OR6B1: variants seen among roughly 807,000 people sequenced by gnomAD.
OR6B1 encodes the protein olfactory receptor 6B1.
Under a neutral mutation model 15.4 loss-of-function variants are expected in OR6B1, and 15 were observed. The observed-to-expected ratio is 0.97, with a 90% CI of 0.65 to 1.50. OR6B1 has a LOEUF of 1.50. Ranked by LOEUF, OR6B1 falls within the 40% of genes most tolerant of loss-of-function variation. The probability of loss-of-function intolerance (pLI) is 0.00; values close to 1 mark genes in which losing one functional copy is unlikely to be tolerated. For synonymous variants in OR6B1, 139 were observed against 144.9 expected (o/e 0.96, Z 0.29); for missense variants, 384 against 385.0 (o/e 1.00, Z 0.02).
chr7:144,003,986 G>T lies in OR6B1; in HGVS notation c.-11G>T, dbSNP rs1369943846. On this transcript the variant is annotated 5_prime_UTR_variant, in exon 2 of 2. Transcript: ENST00000641698. Reference sequence around the variant, plus strand: ...TTCCTCCCCAGGAGAGCTAAGCCCTGTGTCTCCAATATGGAGTTGGAGAAC... The same window carrying T: ...TTCCTCCCCAGGAGAGCTAAGCCCTTTGTCTCCAATATGGAGTTGGAGAAC... The T allele has an allele frequency of 1.3e-6, 2 of 1,593,538 alleles. No individual in the cohort carries two copies.
chr7:144,006,503 G>T lies in OR6B1; in HGVS notation c.*1571G>T, dbSNP rs545559136. 1 of 152,308 alleles carries T rather than the reference G, an allele frequency of 6.6e-6. No individual in the cohort carries two copies. The highest frequency in any genetic ancestry group is 1.5e-5 in the Non-Finnish European group (1 of 68,026). The allele number at this position is 152,308 out of a possible 1,614,324, so 9.4% of individuals were successfully genotyped here. A position where few individuals can be genotyped will look rare whatever the true frequency, so the allele number is the denominator to read the frequency against. On this transcript the variant is annotated 3_prime_UTR_variant, in exon 2 of 2. Transcript: ENST00000641698. ...TGCAAAAGAGAACAATGCTTAAAAT[G>T]GAAAGGATTTAATGTTTGCTTCTGG...
Position 144,004,708 on chromosome 7 carries a change from A to T in OR6B1, c.712A>T (p.Thr238Ser). 6.2e-7 allele frequency: 1 copy of T among 1,614,098 alleles called. No individual in the cohort carries two copies. Among genetic ancestry groups the T allele is most frequent in the Non-Finnish European group, 8.5e-7 (1 of 1,180,006 alleles). ...MPTGKQKAFS[T>S]CASHLVVVTI... ...CACAGGAAAGCAGAAAGCGTTCTCC[A>T]CTTGTGCCTCCCATCTTGTGGTGGT... Residue 238 changes from threonine to serine, a missense_variant, in exon 2 of 2, where the codon ACT becomes TCT. Physicochemically the swap from Thr to Ser is moderately conservative, Grantham distance 58. Transcript: ENST00000641698.
chr7:144,008,506 A>C lies in OR6B1; in HGVS notation c.*3574A>C, dbSNP rs1245818756. On this transcript the variant is annotated 3_prime_UTR_variant, in exon 2 of 2. Transcript: ENST00000641698. ...TGGTCTGGCTCTGTTTCCCTACCCA[A>C]ATCTCATCTTGATTGTAATCCCCAC... The C allele has an allele frequency of 6.6e-6, 1 of 152,170 alleles. No individual in the cohort carries two copies. Among genetic ancestry groups the C allele is most frequent in the Non-Finnish European group, 1.5e-5 (1 of 68,054 alleles). The allele number at this position is 152,170 out of a possible 1,614,324, so 9.4% of individuals were successfully genotyped here.
chr7:144,002,732 C>T (rs1464572217), intron 1 of OR6B1, among the ~76,000 whole-genome samples: 6 of 152,068 alleles, frequency 3.9e-5, no homozygotes, highest in Admixed American at 1.3e-4. Flanking sequence ...TGCTTGTTTC[C>T]GACTGCTTTT....
At chr7:144,002,290 C>G (rs2050589221) in intron 1 of OR6B1, among the ~76,000 whole-genome samples, 2 of 152,124 alleles carry the variant, frequency 1.3e-5, no homozygotes, top group Admixed American at 1.3e-4. Flanking sequence ...TGGGATATTG[C>G]ATGAAAAGAA....
rs1260297424 is a variant in OR6B1, at chr7:144,007,198, G to C, written c.*2266G>C. 6.6e-6 allele frequency: 1 copy of C among 152,040 alleles called. No individual in the cohort carries two copies. 9.4% of individuals were successfully genotyped at this position (152,040 alleles called of 1,614,324 possible). ...TTTTTCAAATAACAGATGGAACATT[G>C]AGCTCCTTCCCCTTTGTGGAAGGAA... On this transcript the variant is annotated 3_prime_UTR_variant, in exon 2 of 2. Transcript: ENST00000641698.
chr7:144,002,917 C>T (rs2050593773), intron 1 of OR6B1, among the ~76,000 whole-genome samples: 1 of 152,144 alleles, frequency 6.6e-6, no homozygotes, highest in African/African-American at 2.4e-5. Flanking sequence ...TCCTAGAATC[C>T]TTCCCAGCCT....
At chr7:144,003,144 C>T (rs2050595329) in intron 1 of OR6B1, among the ~76,000 whole-genome samples, 1 of 152,144 alleles carries the variant, frequency 6.6e-6, no homozygotes, top group African/African-American at 2.4e-5. Context: ...ATGGCTTTGC[C>T]TTGGATCACA....
In OR6B1 at chr7:144,006,664, A is replaced by T. The variant is rs1204100445; in HGVS notation, c.*1732A>T. On this transcript the variant is annotated 3_prime_UTR_variant, in exon 2 of 2. Coordinates refer to ENST00000641698, the MANE Select transcript of OR6B1 (RefSeq NM_001005281.3). ...AATATAATTGCATAGTCATATAGGG[A>T]TATTAAATGTGTGCATTAAGAAAGG... 2 of 152,214 alleles carry T rather than the reference A, an allele frequency of 1.3e-5. No homozygotes were observed. The highest frequency in any genetic ancestry group is 1.3e-4 in the Admixed American group (2 of 15,280). 9.4% of individuals were successfully genotyped at this position (152,214 alleles called of 1,614,324 possible). A position where few individuals can be genotyped will look rare whatever the true frequency, so the allele number is the denominator to read the frequency against.
Position 144,004,853 on chromosome 7 carries a change from T to A in OR6B1, c.857T>A (p.Phe286Tyr). Reference protein sequence around the residue: ...YAIVTPSLNPFIYCLRNREVK... With the variant: ...YAIVTPSLNPYIYCLRNREVK... ...ATTGTCACTCCTTCTCTCAACCCTT[T>A]CATTTATTGCCTAAGAAACCGAGAG... The change falls in exon 2 of 2, where the codon TTC becomes TAC. Residue 286 changes from phenylalanine (F) to tyrosine (Y), a missense_variant. Transcript: ENST00000641698. The A allele has an allele frequency of 6.2e-7, 1 of 1,613,324 alleles. No homozygotes were observed. The highest frequency in any genetic ancestry group is 8.5e-7 in the Non-Finnish European group (1 of 1,180,032).
At position 144,004,727 on chromosome 7, in the gene OR6B1, T is replaced by C; in HGVS notation, c.731T>C (p.Val244Ala). 2 of 1,614,240 alleles carry C rather than the reference T, an allele frequency of 1.2e-6. No homozygotes were observed. The highest frequency in any genetic ancestry group is 1.1e-5 in the South Asian group (1 of 91,080). Residue 244 changes from valine (V) to alanine (A), a missense_variant, in exon 2 of 2, where the codon GTG becomes GCG. Coordinates refer to ENST00000641698, the MANE Select transcript of OR6B1 (RefSeq NM_001005281.3). ...TTCTCCACTTGTGCCTCCCATCTTG[T>C]GGTGGTCACCATTTTCTATTCAGCC... ...KAFSTCASHL[V>A]VVTIFYSAII...
Position 144,002,154 on chromosome 7 carries a change from C to T in OR6B1, c.-26+1504C>T, listed in dbSNP as rs75509412. The stretch of plus-strand genomic sequence containing the variant: ...TTAAGGACATGCCTTTGTAGTCGGA[C>T]CTGGGCTTTATGATTCTGATTTTAT... On this transcript the variant is annotated intron_variant, in intron 1 of 1. Transcript: ENST00000641698. Among the ~76,000 whole-genome samples, 1,072 of 152,234 alleles carry T rather than the reference C, an allele frequency of 7.0e-3. 11 individuals carry two copies. The highest frequency in any genetic ancestry group is 0.025 in the African/African-American group (1,025 of 41,522).
intron 1 of OR6B1, among the ~76,000 whole-genome samples, chr7:144,002,213 C>A (rs2050588987): frequency 6.6e-6 from 1 of 152,154 alleles, no homozygotes; most frequent in South Asian, 2.1e-4. Flanking sequence ...TTTAATCTAT[C>A]TAAACCACAG....
Position 144,004,951 on chromosome 7 carries a change from A to G in OR6B1, c.*19A>G, listed in dbSNP as rs750995506. ...TGACTAGTCAATTACAGCTGATTAGAAAGAAAGGTCTGAGTGGGTGCCTGT... is the reference window on the plus strand; with the variant it reads ...TGACTAGTCAATTACAGCTGATTAGGAAGAAAGGTCTGAGTGGGTGCCTGT... On this transcript the variant is annotated 3_prime_UTR_variant, in exon 2 of 2. Transcript: ENST00000641698. The G allele has an allele frequency of 1.8e-5, 28 of 1,554,880 alleles. No individual in the cohort carries two copies. Among genetic ancestry groups the G allele is most frequent in the Non-Finnish European group, 2.3e-5 (27 of 1,155,436 alleles).
Position 144,004,317 on chromosome 7 carries a change from C to T in OR6B1, c.321C>T (p.Leu107=), listed in dbSNP as rs1187250111. The change falls in exon 2 of 2, where the codon CTC becomes CTT. Residue 107 remains leucine, a synonymous_variant. Coordinates refer to ENST00000641698, the MANE Select transcript of OR6B1 (RefSeq NM_001005281.3). The stretch of plus-strand genomic sequence containing the variant: ...TACAACTGTACTTCTTCATTGCTCT[C>T]ATGTGCACAGAATGTGTGCTTCTGG... ...CMIQLYFFIA[L]MCTECVLLAA... is the part of the protein sequence containing the mutation. The T allele has an allele frequency of 3.1e-6, 5 of 1,614,118 alleles. No homozygotes were observed. The highest frequency in any genetic ancestry group is 4.2e-6 in the Non-Finnish European group (5 of 1,180,044).
At position 144,004,165 on chromosome 7, in the gene OR6B1, A is replaced by G. The variant is rs1245337263; in HGVS notation, c.169A>G (p.Lys57Glu). ...LLVLQNRPLH[K>E]PMYFFLANLS... ...GGTGCTGCAAAATCGGCCACTGCAC[A>G]AGCCTATGTACTTCTTCCTGGCCAA... Residue 57 changes from lysine (K) to glutamate (E), a missense_variant, in exon 2 of 2, where the codon AAG becomes GAG. Lys to Glu is a moderately conservative substitution (Grantham distance 56, BLOSUM62 1). Transcript: ENST00000641698. 10 of 1,614,068 alleles carry G rather than the reference A, an allele frequency of 6.2e-6. No homozygotes were observed. Among genetic ancestry groups the G allele is most frequent in the Admixed American group, 1.7e-5 (1 of 59,994 alleles).
At position 144,004,453 on chromosome 7, in the gene OR6B1, T is replaced by C. The variant is rs759446061; in HGVS notation, c.457T>C (p.Phe153Leu). 9.3e-6 allele frequency: 15 copies of C among 1,614,072 alleles called. No individual in the cohort carries two copies. Among genetic ancestry groups the C allele is most frequent in the Non-Finnish European group, 1.3e-5 (15 of 1,180,036 alleles). ...RLALGSWAIG[F>L]GISLAKIYFI... Reference sequence around the variant, plus strand: ...CGCTCTTGGTTCCTGGGCCATTGGCTTTGGCATCTCCCTGGCGAAGATCTA... The same window carrying C: ...CGCTCTTGGTTCCTGGGCCATTGGCCTTGGCATCTCCCTGGCGAAGATCTA... Residue 153 changes from phenylalanine to leucine, a missense_variant, in exon 2 of 2, where the codon TTT becomes CTT. Physicochemically the swap from Phe to Leu is conservative, Grantham distance 22 (BLOSUM62 0). Transcript: ENST00000641698.
chr7:144,003,280 G>T lies in OR6B1; in HGVS notation c.-25-692G>T, dbSNP rs77238929. Among the ~76,000 whole-genome samples, 493 of 152,226 alleles carry T rather than the reference G, an allele frequency of 3.2e-3. 18 individuals are homozygous for T. The East Asian group carries it at 0.08, about 25-fold the overall frequency. The stretch of plus-strand genomic sequence containing the variant: ...AAATTTCATTTACATTAACTCATTT[G>T]GATTTTGATCCTCAATGAAATAAGC... On this transcript the variant is annotated intron_variant, in intron 1 of 1. Transcript: ENST00000641698.
chr7:144,004,868 G>A lies in OR6B1; in HGVS notation c.872G>A (p.Arg291Lys), dbSNP rs1189938145. 2.5e-6 allele frequency: 4 copies of A among 1,612,186 alleles called. No homozygotes were observed. The African/African-American group carries it at 5.3e-5, about 22-fold the overall frequency. Residue 291 changes from arginine to lysine, a missense_variant, in exon 2 of 2, where the codon AGA (arginine) becomes AAA (lysine). Transcript: ENST00000641698. ...PSLNPFIYCL[R>K]NREVKEALKK... ...CTCAACCCTTTCATTTATTGCCTAA[G>A]AAACCGAGAGGTCAAGGAAGCTCTG... is the stretch of plus-strand genomic sequence containing the variant.
Sources: allele counts gnomAD v4.1 joint callset (sites outside exome capture counted in the v4.1 genomes callset), GRCh38; gene constraint gnomAD v4.1.1; transcripts MANE v1.5; gene names NCBI Gene and HGNC (gene_info 2026-07-23, HGNC 2026-07-21).